Variants in ELP2 observed in about 807,000 individuals in gnomAD.
ELP2 encodes the protein elongator complex protein 2.
Under a neutral mutation model 119.2 loss-of-function variants are expected in ELP2, and 90 were observed. That is an observed-to-expected ratio of 0.75 (90% CI 0.64 to 0.90). The LOEUF is 0.90. Ranked by LOEUF, ELP2 falls within the 40% of genes least tolerant of loss-of-function variation. ELP2 has a pLI of 0.00. For synonymous variants in ELP2, 339 were observed against 331.0 expected (o/e 1.02, Z -0.26); for missense variants, 921 against 967.8 (o/e 0.95, Z 0.64).
At chr18:36,133,913 T>G (rs1351608168) in intron 2 of ELP2, among the ~76,000 whole-genome samples, 3 of 129,928 alleles carry the variant, frequency 2.3e-5, no homozygotes, top group East Asian at 4.4e-4. Context: ...TTTTTTTTTT[T>G]TTTTTTTTTT....
intron 11 of ELP2, among the ~76,000 whole-genome samples, chr18:36,151,387 C>T (rs1156605228): frequency 6.6e-6 from 1 of 152,170 alleles, no homozygotes; most frequent in African/African-American, 2.4e-5. Context: ...CCTGCCCTGC[C>T]TTCCAGCTTT....
chr18:36,161,849 A>G (rs984483807), intron 17 of ELP2, among the ~76,000 whole-genome samples: 1 of 152,042 alleles, frequency 6.6e-6, no homozygotes, highest in Non-Finnish European at 1.5e-5. Flanking sequence ...ATTCTTTGAA[A>G]TGGTACTGAG....
intron 18 of ELP2, among the ~76,000 whole-genome samples, chr18:36,165,863 C>G (rs2090880199): frequency 6.6e-6 from 1 of 151,888 alleles, no homozygotes; most frequent in Non-Finnish European, 1.5e-5. Flanking sequence ...GCCTAGGCGA[C>G]AGAGCAAGAC....
chr18:36,158,509 TTTC>T, intron 13 of ELP2: 1 of 241,096 alleles, frequency 4.1e-6, no homozygotes, highest in Non-Finnish European at 8.2e-6. Flanking sequence ...GCTCACTGCA[TTTC>T]CTGTCAGACC....
rs962165993 is a variant in ELP2, at chr18:36,175,284, G to C, written c.*643G>C. 5 of 152,026 alleles carry C rather than the reference G, an allele frequency of 3.3e-5. No individual in the cohort carries two copies. The highest frequency in any genetic ancestry group is 7.3e-5 in the Non-Finnish European group (5 of 68,080). The allele number at this position is 152,026 out of a possible 1,614,324, so 9.4% of individuals were successfully genotyped here. ...CCTTATTTATTGCCCTCTTCAGAGA[G>C]TAGATGTAGAAAATAAAGAGAGGAA... On this transcript the variant is annotated 3_prime_UTR_variant, in exon 22 of 22. Transcript: ENST00000358232.
At chr18:36,145,107 T>C in intron 9 of ELP2, 73 bp downstream of exon 9, 2 of 1,191,656 alleles carry the variant, frequency 1.7e-6, no homozygotes, top group East Asian at 2.3e-5. Flanking sequence ...CCAAATCAAG[T>C]GGAGAATTTT....
chr18:36,156,446 GT>G lies in ELP2; in HGVS notation c.1276-17del, dbSNP rs1445988002. 1 of 1,612,798 alleles carries G rather than the reference GT, an allele frequency of 6.2e-7. No individual in the cohort carries two copies. Among genetic ancestry groups the G allele is most frequent in the Admixed American group, 1.7e-5 (1 of 59,980 alleles). The stretch of plus-strand genomic sequence containing the variant: ...ATTCAGCTTTTGAATGATCATTTTT[GT>G]TTATCCCGTTTTACCCAGGTGACTT... On this transcript the variant is annotated intron_variant, in intron 12 of 21. Transcript: ENST00000358232.
intron 1 of ELP2, 93 bp downstream of exon 1, chr18:36,130,164 T>C: frequency 4.5e-6 from 7 of 1,548,548 alleles, no homozygotes; most frequent in Non-Finnish European, 6.2e-6. Flanking sequence ...GCCCCAGACC[T>C]AGGAGGCGAG....
chr18:36,145,453 A>G (rs2046677522), intron 9 of ELP2: 1 of 296,898 alleles, frequency 3.4e-6, no homozygotes, highest in Non-Finnish European at 6.5e-6. Context: ...ATTTATCTCC[A>G]TTTATAGAGT....
intron 14 of ELP2, among the ~76,000 whole-genome samples, chr18:36,159,115 T>C (rs1372898990): frequency 3.0e-5 from 2 of 66,062 alleles, no homozygotes; most frequent in African/African-American, 8.7e-5. Flanking sequence ...GTTTTTTCCC[T>C]TTTTTTTTTT....
chr18:36,159,711 T>C lies in ELP2; in HGVS notation c.1535-24T>C, dbSNP rs528555793. 3.9e-6 allele frequency: 6 copies of C among 1,540,666 alleles called. No individual in the cohort carries two copies. In the African/African-American group the frequency reaches 6.8e-5, roughly 17 times the overall value. Reference sequence around the variant, plus strand: ...GGAGATATAAAAATAGTGACTATATTCTTGATGTGTTTCTTCAAACTAGGA... The same window carrying C: ...GGAGATATAAAAATAGTGACTATATCCTTGATGTGTTTCTTCAAACTAGGA... On this transcript the variant is annotated intron_variant, in intron 14 of 21. Coordinates refer to ENST00000358232, the MANE Select transcript of ELP2 (RefSeq NM_018255.4).
At chr18:36,166,853 G>A in intron 18 of ELP2, 1 of 279,580 alleles carries the variant, frequency 3.6e-6, no homozygotes, top group Non-Finnish European at 6.6e-6. Context: ...TTGAGTGTTT[G>A]GAAGATGTTT....
intron 17 of ELP2, among the ~76,000 whole-genome samples, chr18:36,163,004 T>C (rs1364054125): frequency 6.6e-6 from 1 of 152,164 alleles, no homozygotes; most frequent in East Asian, 1.9e-4. Flanking sequence ...GATTTTAGCA[T>C]ACCCATCAGC....
rs994018089 is a variant in ELP2, at chr18:36,175,298, TAAAG to T, written c.*659_*662del. On this transcript the variant is annotated 3_prime_UTR_variant, in exon 22 of 22. Transcript: ENST00000358232. ...CTCTTCAGAGAGTAGATGTAGAAAA[TAAAG>T]AGAGGAAACCTAGATTACTTAATTT... The T allele has an allele frequency of 2.0e-5, 3 of 150,754 alleles. No homozygotes were observed. The highest frequency in any genetic ancestry group is 7.3e-5 in the African/African-American group (3 of 41,014). 9.3% of individuals were successfully genotyped at this position (150,754 alleles called of 1,614,324 possible).
In ELP2 at chr18:36,177,006, A is replaced by G. The variant is rs1485755990; in HGVS notation, c.*2365A>G. On this transcript the variant is annotated 3_prime_UTR_variant, in exon 22 of 22. Transcript: ENST00000358232. ...TGTGTATGTGTGCGTTTGAGGCTAT[A>G]TTACTCATTGCTACGGCAGTTCAAA... 8 of 152,160 alleles carry G rather than the reference A, an allele frequency of 5.3e-5. No individual in the cohort carries two copies. The highest frequency in any genetic ancestry group is 1.9e-4 in the African/African-American group (8 of 41,424). The allele number at this position is 152,160 out of a possible 1,614,324, so 9.4% of individuals were successfully genotyped here.
intron 1 of ELP2, among the ~76,000 whole-genome samples, chr18:36,132,488 G>A (rs1290562931): frequency 2.6e-5 from 4 of 152,202 alleles, no homozygotes; most frequent in South Asian, 2.1e-4. Context: ...TCTAGTTGGC[G>A]TATAAGCAGA....
At chr18:36,159,038 T>A in intron 14 of ELP2, 134 bp downstream of exon 14, 1 of 685,270 alleles carries the variant, frequency 1.5e-6, no homozygotes, top group Non-Finnish European at 2.7e-6. Context: ...TTCTATCACC[T>A]ATTTCGTGAT....
intron 1 of ELP2, among the ~76,000 whole-genome samples, chr18:36,132,198 T>C (rs532498520): frequency 6.6e-6 from 1 of 152,272 alleles, no homozygotes; most frequent in Admixed American, 6.5e-5. Context: ...GATTGGGCTT[T>C]TAAGTAAATA....
At position 36,138,853 on chromosome 18, in the gene ELP2, T is replaced by C; in HGVS notation, c.504T>C (p.Ser168=). Residue 168 remains serine, a synonymous_variant, in exon 5 of 22, where the codon TCT becomes TCC. Coordinates refer to ENST00000358232, the MANE Select transcript of ELP2 (RefSeq NM_018255.4). The part of the protein sequence containing the change: ...GNGFALALCL[S]FLPNTDVPIL... ...GATTTGCTTTGGCTCTCTGCTTATC[T>C]TTTTTGCCAAATACTGATGGTGAGT... 2 of 1,613,470 alleles carry C rather than the reference T, an allele frequency of 1.2e-6. No individual in the cohort carries two copies. The highest frequency in any genetic ancestry group is 4.5e-5 in the East Asian group (2 of 44,856).
Sources: allele counts gnomAD v4.1 joint callset (sites outside exome capture counted in the v4.1 genomes callset), GRCh38; gene constraint gnomAD v4.1.1; transcripts MANE v1.5; gene names NCBI Gene and HGNC (gene_info 2026-07-23, HGNC 2026-07-21).